SP140L: variants seen among roughly 807,000 people sequenced by gnomAD.
The protein encoded by SP140L is nuclear body protein SP140-like protein.
A neutral mutation model predicts 84.3 loss-of-function variants in SP140L; 64 were observed. The ratio of observed to expected loss-of-function variants is 0.76; its 90% CI spans 0.62 to 0.94. The LOEUF is 0.94. Ranked by LOEUF, SP140L falls within the 40% of genes least tolerant of loss-of-function variation. The pLI, the probability that SP140L is intolerant of heterozygous loss-of-function variation, is 0.00. For synonymous variants in SP140L, 242 were observed against 236.9 expected, an observed-to-expected ratio of 1.02 and a Z score of -0.20; for missense variants, 628 against 692.5, an observed-to-expected ratio of 0.91 and a Z score of 1.05.
chr2:230,351,389 AT>A (rs1436978373), intron 2 of SP140L, among the ~76,000 whole-genome samples: 1 of 152,004 alleles, frequency 6.6e-6, no homozygotes, highest in Non-Finnish European at 1.5e-5. Flanking sequence ...ATTTTCTTTT[AT>A]TTAAGCTGCC....
At chr2:230,361,189 A>C (rs34068539) in intron 4 of SP140L, among the ~76,000 whole-genome samples, 152,150 of 152,244 alleles carry the variant, frequency 1, 76,028 homozygotes, top group Middle Eastern at 1. Context: ...TAGGTTCAGG[A>C]GATGCTCCTG....
intron 5 of SP140L, among the ~76,000 whole-genome samples, chr2:230,367,995 G>A (rs1177165872): frequency 6.6e-6 from 1 of 152,198 alleles, no homozygotes; most frequent in African/African-American, 2.4e-5. Flanking sequence ...TACTAGAGAT[G>A]TAAGTGGTTT....
At chr2:230,330,604 C>T (rs375986537) in intron 2 of SP140L, among the ~76,000 whole-genome samples, 6 of 152,154 alleles carry the variant, frequency 3.9e-5, no homozygotes, top group Non-Finnish European at 7.3e-5. Flanking sequence ...ATATGGCTCA[C>T]GTATATGATT....
chr2:230,382,586 T>G (rs1385900581), intron 7 of SP140L, among the ~76,000 whole-genome samples: 7 of 152,176 alleles, frequency 4.6e-5, no homozygotes, highest in African/African-American at 1.2e-4. Flanking sequence ...TCATTAGCTG[T>G]GTCTGGAGTG....
intron 2 of SP140L, among the ~76,000 whole-genome samples, chr2:230,330,905 C>G (rs542338908): frequency 6.6e-6 from 1 of 152,332 alleles, no homozygotes; most frequent in Non-Finnish European, 1.5e-5. Flanking sequence ...AGGATGCGAA[C>G]TGTCCCTTTA....
Position 230,389,964 on chromosome 2 carries a change from T to C in SP140L, c.905T>C (p.Leu302Ser). 6.2e-7 allele frequency: 1 copy of C among 1,613,964 alleles called. No homozygotes were observed. The highest frequency in any genetic ancestry group is 8.5e-7 in the Non-Finnish European group (1 of 1,179,844). Residue 302 changes from leucine to serine, a missense_variant, in exon 11 of 19, where the codon TTA (leucine) becomes TCA (serine). This residue lies in a region of SP140L where 525 missense variants were observed against 518.4 expected (regional missense o/e 1.01). Transcript: ENST00000415673. Reference sequence around the variant, plus strand: ...GAAACTGTGGATTTTCAGGCTCCTTTACTTCCAGTGACCTGTGGTGGGGTG... The same window carrying C: ...GAAACTGTGGATTTTCAGGCTCCTTCACTTCCAGTGACCTGTGGTGGGGTG... ...KDETVDFQAP[L>S]LPVTCGGVKG...
intron 7 of SP140L, among the ~76,000 whole-genome samples, chr2:230,379,468 AT>A (rs1435032050): frequency 1.3e-5 from 2 of 152,122 alleles, no homozygotes; most frequent in African/African-American, 2.4e-5. Context: ...CATCTCTACC[AT>A]TTGGCTATTA....
intron 8 of SP140L, among the ~76,000 whole-genome samples, chr2:230,384,225 G>A (rs2149794889): frequency 6.6e-6 from 1 of 152,086 alleles, no homozygotes; most frequent in African/African-American, 2.4e-5. Context: ...GTCTTTAAAA[G>A]GCAACATATG....
At chr2:230,349,263 G>A (rs1183425396) in intron 2 of SP140L, among the ~76,000 whole-genome samples, 1 of 152,074 alleles carries the variant, frequency 6.6e-6, no homozygotes, top group Non-Finnish European at 1.5e-5. Context: ...TCTTGATATG[G>A]GTAGCTTTAT....
At chr2:230,335,945 A>T (rs185430853) in intron 2 of SP140L, among the ~76,000 whole-genome samples, 1 of 152,346 alleles carries the variant, frequency 6.6e-6, no homozygotes, top group East Asian at 1.9e-4. Flanking sequence ...GAAAGCAAGT[A>T]CATACTCAAG....
chr2:230,357,054 A>T (rs1416069748), intron 2 of SP140L, among the ~76,000 whole-genome samples: 2 of 152,220 alleles, frequency 1.3e-5, no homozygotes, highest in Non-Finnish European at 1.5e-5. Flanking sequence ...TTAAAACATT[A>T]TCAGAGCAAT....
chr2:230,385,060 T>G (rs1274212435), intron 8 of SP140L, among the ~76,000 whole-genome samples, 164 bp from the exon 9 acceptor site: 6 of 152,184 alleles, frequency 3.9e-5, no homozygotes, highest in Non-Finnish European at 8.8e-5. Context: ...TTAAATTCTG[T>G]GTGTAATTTA....
In SP140L at chr2:230,359,007, T is replaced by C; in HGVS notation, c.314T>C (p.Val105Ala). The C allele has an allele frequency of 6.2e-7, 1 of 1,611,786 alleles. No homozygotes were observed. Among genetic ancestry groups the C allele is most frequent in the Non-Finnish European group, 8.5e-7 (1 of 1,179,226 alleles). ...SCRNLVPVQR[V>A]VYNVLSELEK... is the part of the protein sequence containing the mutation. Reference sequence around the variant, plus strand: ...AGAAACCTGGTCCCTGTACAAAGAGTGGTGTACAATGTTCTCAGTGAACTG... The same window carrying C: ...AGAAACCTGGTCCCTGTACAAAGAGCGGTGTACAATGTTCTCAGTGAACTG... Residue 105 changes from valine (V) to alanine (A), a missense_variant, in exon 4 of 19, where the codon GTG becomes GCG. Transcript: ENST00000415673.
At position 230,388,604 on chromosome 2, in the gene SP140L, G is replaced by C; in HGVS notation, c.830G>C (p.Arg277Thr). Residue 277 changes from arginine to threonine, a missense_variant, in exon 10 of 19, where the codon AGA becomes ACA. By Grantham distance (71) the Arg-to-Thr change is moderately conservative (BLOSUM62 -1). Transcript: ENST00000415673. ...KPGTHFTQSD[R>T]APQKRVRSRA... Reference sequence around the variant, plus strand: ...GGAACCCACTTTACTCAGAGTGACAGAGCTCCACAGAAAAGAGTCCGATCA... The same window carrying C: ...GGAACCCACTTTACTCAGAGTGACACAGCTCCACAGAAAAGAGTCCGATCA... 6.2e-7 allele frequency: 1 copy of C among 1,609,964 alleles called. No individual in the cohort carries two copies. Among genetic ancestry groups the C allele is most frequent in the Non-Finnish European group, 8.5e-7 (1 of 1,178,782 alleles).
chr2:230,375,249 A>G (rs1016971762), intron 7 of SP140L, among the ~76,000 whole-genome samples: 1 of 152,110 alleles, frequency 6.6e-6, no homozygotes, highest in Non-Finnish European at 1.5e-5. Flanking sequence ...TTTTATATAT[A>G]TTTTCCAATA....
intron 5 of SP140L, among the ~76,000 whole-genome samples, chr2:230,363,138 A>G (rs1398198173): frequency 6.6e-6 from 1 of 152,194 alleles, no homozygotes; most frequent in African/African-American, 2.4e-5. Flanking sequence ...CCCCATCATA[A>G]CTGTAGGAGC....
At chr2:230,391,882 ACATGTGCACCCCCAC>A in intron 11 of SP140L, 190 bp from the exon 12 acceptor site, 1 of 589,346 alleles carries the variant, frequency 1.7e-6, no homozygotes, top group East Asian at 2.9e-5. Flanking sequence ...AAGGTCAAAG[ACATGTGCACCCCCAC>A]CAGGAAATAT....
intron 14 of SP140L, among the ~76,000 whole-genome samples, chr2:230,398,795 T>C (rs1002780448): frequency 7.9e-5 from 12 of 152,220 alleles, no homozygotes; most frequent in Non-Finnish European, 1.5e-4. Context: ...GGGGCTGCGC[T>C]CAGGAACAGA....
chr2:230,353,320 C>T (rs2060421930), intron 2 of SP140L, among the ~76,000 whole-genome samples: 1 of 151,938 alleles, frequency 6.6e-6, no homozygotes, highest in Non-Finnish European at 1.5e-5. Flanking sequence ...TTTGAGACTT[C>T]TTTCGTGGCC....
Sources: allele counts gnomAD v4.1 joint callset (sites outside exome capture counted in the v4.1 genomes callset), GRCh38; gene constraint gnomAD v4.1.1; regional missense constraint gnomAD v4.1.1; transcripts MANE v1.5; gene names NCBI Gene and HGNC (gene_info 2026-07-23, HGNC 2026-07-21).